The following MOCS1 variants were observed in gnomAD, a reference collection of about 807,000 sequenced individuals.
The protein encoded by MOCS1 is molybdenum cofactor synthesis 1, also known as molybdenum cofactor biosynthesis protein 1.
A neutral mutation model predicts 57.6 loss-of-function variants in MOCS1; 39 were observed. That is an observed-to-expected ratio of 0.68 (90% CI 0.52 to 0.88). The LOEUF is 0.88. MOCS1 is among the 40% of genes least tolerant of loss of function. The pLI, the probability that MOCS1 is intolerant of heterozygous loss-of-function variation, is 0.00. For synonymous variants in MOCS1, 334 were observed against 335.7 expected (o/e 1.00, Z 0.05); for missense variants, 795 against 831.1 (o/e 0.96, Z 0.53).
In MOCS1 at chr6:39,905,572, A is replaced by G; in HGVS notation, c.*785T>C. On this transcript the variant is annotated 3_prime_UTR_variant, in exon 11 of 11. Coordinates refer to ENST00000340692, the MANE Select transcript of MOCS1 (RefSeq NM_001358530.2). ...TTTGTGCGCTGTGAGGGTGAAGGCA[A>G]TCTATCATCAACTTTTCTTTCCCTG... 2.1e-6 allele frequency: 1 copy of G among 471,172 alleles called. No homozygotes were observed. The highest frequency in any genetic ancestry group is 4.4e-6 in the Non-Finnish European group (1 of 227,056). 29.2% of individuals were successfully genotyped at this position (471,172 alleles called of 1,614,324 possible).
At chr6:39,912,508 G>GC in intron 7 of MOCS1, 134 bp from the exon 8 acceptor site, 1 of 715,292 alleles carries the variant, frequency 1.4e-6, no homozygotes, top group Non-Finnish European at 2.5e-6. Flanking sequence ...TCCACCCAAG[G>GC]CCCTCAGGTG....
rs1767011395 is a variant in MOCS1 at position 39,907,114 on chromosome 6, A to C, written c.1154T>G (p.Leu385Ter). 1.2e-6 allele frequency: 2 copies of C among 1,610,468 alleles called. No homozygotes were observed. Among genetic ancestry groups the C allele is most frequent in the East Asian group, 4.5e-5 (2 of 44,822 alleles). ...TGGGGAATTGGGGAACATCAAAAAT[A>C]ACTCTGCAAGGCAAGAAGAAAAGAG... ...MKNRPMILIE[L>*]FLMFPNSPPA... Residue 385 changes from leucine to a stop codon, truncating the protein, a stop_gained, in exon 11 of 11, where the codon TTA becomes TGA. Coordinates refer to ENST00000340692, the MANE Select transcript of MOCS1 (RefSeq NM_001358530.2). LOFTEE classifies it low-confidence loss of function (END_TRUNC).
chr6:39,912,939 A>T lies in MOCS1; in HGVS notation c.823T>A (p.Trp275Arg), dbSNP rs779576648. The change falls in exon 7 of 11, where the codon TGG becomes AGG. Residue 275 changes from tryptophan to arginine, a missense_variant. Physicochemically the swap from Trp to Arg is moderately radical, Grantham distance 101 (BLOSUM62 -3). Coordinates refer to ENST00000340692, the MANE Select transcript of MOCS1 (RefSeq NM_001358530.2). The stretch of plus-strand genomic sequence containing the variant: ...TCTGGCACCTTCTCCAGCTCTGGCC[A>T]CTGCTGCCGGACAGTGTCTAGCATC... ...KEMLDTVRQQ[W>R]PELEKVPEEE... The T allele has an allele frequency of 9.3e-6, 15 of 1,614,092 alleles. 1 individual carries two copies. In the South Asian group the frequency reaches 1.4e-4, roughly 15 times the overall value.
At chr6:39,909,534 C>T (rs1364161243) in intron 9 of MOCS1, among the ~76,000 whole-genome samples, 1 of 152,074 alleles carries the variant, frequency 6.6e-6, no homozygotes, top group Non-Finnish European at 1.5e-5. Context: ...CAGAAGGCCA[C>T]GTGTGGGATG....
At chr6:39,926,919 C>A (rs923380947) in intron 2 of MOCS1, among the ~76,000 whole-genome samples, 3 of 150,830 alleles carry the variant, frequency 2.0e-5, no homozygotes, top group Admixed American at 6.6e-5. Context: ...GGGACTGGGG[C>A]ACCTCCAGAG....
intron 8 of MOCS1, 27 bp downstream of exon 8, chr6:39,912,237 G>A: frequency 1.3e-6 from 2 of 1,522,558 alleles, no homozygotes; most frequent in South Asian, 1.1e-5. Context: ...GGTGGCAAGG[G>A]GTCCCTGTGG....
chr6:39,905,024 C>A lies in MOCS1; in HGVS notation c.*1333G>T, dbSNP rs1449788834. 21 of 454,034 alleles carry A rather than the reference C, an allele frequency of 4.6e-5. No homozygotes were observed. In the Admixed American group the frequency reaches 4.9e-4, roughly 11 times the overall value. The allele number at this position is 454,034 out of a possible 1,614,324, so 28.1% of individuals were successfully genotyped here. On this transcript the variant is annotated 3_prime_UTR_variant, in exon 11 of 11. Transcript: ENST00000340692. ...GACATACTGGTAGCTTGAAATTATTCAACATGGGAGTATTTATATCACAAA... is the reference window on the plus strand; with the variant it reads ...GACATACTGGTAGCTTGAAATTATTAAACATGGGAGTATTTATATCACAAA...
Position 39,923,813 on chromosome 6 carries a change from T to C in MOCS1, c.418+1865A>G, listed in dbSNP as rs1199458962. On this transcript the variant is annotated intron_variant, in intron 3 of 10. Coordinates refer to ENST00000340692, the MANE Select transcript of MOCS1 (RefSeq NM_001358530.2). ...GGACCTGGGCCCCTCCTTGGGACTC[T>C]CACAGCACCTAGGCTCCCCTTATAC... Among the ~76,000 whole-genome samples, 3 of 152,230 alleles carry C rather than the reference T, an allele frequency of 2.0e-5. No homozygotes were observed. The East Asian group carries it at 5.8e-4, about 29-fold the overall frequency.
chr6:39,929,676 C>CA (rs940060224), intron 1 of MOCS1, among the ~76,000 whole-genome samples: 1 of 151,974 alleles, frequency 6.6e-6, no homozygotes, highest in Non-Finnish European at 1.5e-5. Flanking sequence ...TGTGGTGGTT[C>CA]ACGCCTGGAA....
At chr6:39,915,004 C>T (rs1202179679) in intron 4 of MOCS1, among the ~76,000 whole-genome samples, 2 of 152,154 alleles carry the variant, frequency 1.3e-5, no homozygotes, top group Non-Finnish European at 2.9e-5. Flanking sequence ...TTGAAACCCT[C>T]CAGTTCCTCA....
chr6:39,911,033 C>G (rs1767295500), intron 8 of MOCS1, among the ~76,000 whole-genome samples: 1 of 152,248 alleles, frequency 6.6e-6, no homozygotes. Flanking sequence ...CCCCCTTGCC[C>G]TTCCTAAGTG....
At chr6:39,924,714 C>T (rs1019502459) in intron 3 of MOCS1, among the ~76,000 whole-genome samples, 4 of 152,174 alleles carry the variant, frequency 2.6e-5, no homozygotes, top group Admixed American at 1.3e-4. Context: ...AGACACTGAA[C>T]ATATAGGATT....
Position 39,925,846 on chromosome 6 carries a change from C to A in MOCS1, c.251-1G>T. Reference sequence around the variant, plus strand: ...CCCTCCTCGGGCATGCAGTACTGACCTGAGGGAAGGATGAATGGGAATGTG... The same window carrying A: ...CCCTCCTCGGGCATGCAGTACTGACATGAGGGAAGGATGAATGGGAATGTG... On this transcript the variant is annotated splice_acceptor_variant, in intron 2 of 10. Coordinates refer to ENST00000340692, the MANE Select transcript of MOCS1 (RefSeq NM_001358530.2). LOFTEE classifies it high-confidence loss of function. The A allele has an allele frequency of 1.2e-6, 2 of 1,607,320 alleles. No homozygotes were observed. Among genetic ancestry groups the A allele is most frequent in the East Asian group, 2.2e-5 (1 of 44,718 alleles).
chr6:39,907,512 A>G (rs1767035616), intron 10 of MOCS1, among the ~76,000 whole-genome samples: 1 of 152,176 alleles, frequency 6.6e-6, no homozygotes, highest in East Asian at 1.9e-4. Flanking sequence ...CTCACTCTAA[A>G]TTACCAATTA....
At chr6:39,923,605 C>T (rs1440222843) in intron 3 of MOCS1, among the ~76,000 whole-genome samples, 2 of 152,254 alleles carry the variant, frequency 1.3e-5, no homozygotes, top group Non-Finnish European at 2.9e-5. Flanking sequence ...GCTGGTTCAG[C>T]AGGTTCAGCC....
rs1198034242 is a variant in MOCS1 at position 39,904,216 on chromosome 6, T to C, written c.*2141A>G. 8.8e-6 allele frequency: 4 copies of C among 456,768 alleles called. No individual in the cohort carries two copies. Among genetic ancestry groups the C allele is most frequent in the Admixed American group, 2.3e-5 (1 of 42,580 alleles). The allele number at this position is 456,768 out of a possible 1,614,324, so 28.3% of individuals were successfully genotyped here. ...AGAAAAGCAGAATTTGGTTCAACTG[T>C]TGACAGAGGACACAAATACGTTGTT... is the stretch of plus-strand genomic sequence containing the variant. On this transcript the variant is annotated 3_prime_UTR_variant, in exon 11 of 11. Transcript: ENST00000340692.
intron 9 of MOCS1, among the ~76,000 whole-genome samples, chr6:39,909,326 G>C: frequency 7.0e-6 from 1 of 143,322 alleles, no homozygotes; most frequent in Non-Finnish European, 1.5e-5. Context: ...GCAGGGGAAG[G>C]GGAGAGGGAG....
chr6:39,924,893 A>T (rs1177039192), intron 3 of MOCS1, among the ~76,000 whole-genome samples: 1 of 152,192 alleles, frequency 6.6e-6, no homozygotes, highest in African/African-American at 2.4e-5. Context: ...AGCTTAGCCA[A>T]CATGGTGAAA....
At chr6:39,919,525 A>T (rs570824581) in intron 3 of MOCS1, among the ~76,000 whole-genome samples, 1 of 152,218 alleles carries the variant, frequency 6.6e-6, no homozygotes, top group Admixed American at 6.5e-5. Context: ...AACAAAAAAA[A>T]AAAAAACCTG....
Sources: allele counts gnomAD v4.1 joint callset (sites outside exome capture counted in the v4.1 genomes callset), GRCh38; gene constraint gnomAD v4.1.1; transcripts MANE v1.5; gene names NCBI Gene and HGNC (gene_info 2026-07-23, HGNC 2026-07-21).